Variants in RIN3 observed in about 807,000 individuals in gnomAD.
RIN3 encodes the protein Ras and Rab interactor 3.
Under a neutral mutation model 76.3 loss-of-function variants are expected in RIN3, and 54 were observed. That is an observed-to-expected ratio of 0.71 (90% confidence interval 0.57 to 0.89). The LOEUF (loss-of-function observed/expected upper bound fraction) is 0.89. RIN3 is among the 40% of genes least tolerant of loss of function. RIN3 has a pLI of 0.00. For synonymous variants in RIN3, 576 were observed against 564.0 expected (o/e 1.02, Z -0.30); for missense variants, 1,256 against 1,322.1 (o/e 0.95, Z 0.78).
Position 92,526,708 on chromosome 14 carries a change from G to A in RIN3, c.44+12732G>A, listed in dbSNP as rs138678112. Reference sequence around the variant, plus strand: ...GCAGAGGTTGCAGTGAGCCAAGATCGTGCCACTGCACTCCAGGCTGGTGAC... The same window carrying A: ...GCAGAGGTTGCAGTGAGCCAAGATCATGCCACTGCACTCCAGGCTGGTGAC... On this transcript the variant is annotated intron_variant, in intron 1 of 9. Transcript: ENST00000216487. Among the ~76,000 whole-genome samples, 246 of 152,132 alleles carry A rather than the reference G, an allele frequency of 1.6e-3. 2 individuals carry two copies. Among genetic ancestry groups the A allele is most frequent in the African/African-American group, 5.5e-3 (230 of 41,508 alleles).
At chr14:92,519,654 C>T (rs1284291792) in intron 1 of RIN3, among the ~76,000 whole-genome samples, 1 of 152,344 alleles carries the variant, frequency 6.6e-6, no homozygotes, top group Non-Finnish European at 1.5e-5. Context: ...GGATGGCGCT[C>T]TCTGCCAGGC....
At chr14:92,661,760 A>ACACACACACACACACACACACACAC (rs1419895576) in intron 7 of RIN3, among the ~76,000 whole-genome samples, 11 of 128,032 alleles carry the variant, frequency 8.6e-5, no homozygotes, top group African/African-American at 2.8e-4. Context: ...CACACACACA[A>ACACACACACACACACACACACACAC]AAAATAGAAT....
intron 4 of RIN3, among the ~76,000 whole-genome samples, chr14:92,622,602 C>T (rs186787911): frequency 2.0e-4 from 31 of 152,300 alleles, no homozygotes; most frequent in Non-Finnish European, 3.2e-4. Context: ...TTATCCCTAA[C>T]GCAGACCCTG....
intron 1 of RIN3, among the ~76,000 whole-genome samples, chr14:92,543,654 C>A (rs1250410684): frequency 1.6e-5 from 2 of 128,906 alleles, no homozygotes; most frequent in African/African-American, 5.9e-5. Flanking sequence ...TAAATCTTGG[C>A]TCACTGCAAC....
chr14:92,567,648 A>G (rs924643618), intron 2 of RIN3, among the ~76,000 whole-genome samples: 28 of 145,260 alleles, frequency 1.9e-4, no homozygotes, highest in African/African-American at 6.7e-4. Context: ...TTTTTGGTCA[A>G]TGCCAGTGCC....
chr14:92,569,907 G>A (rs1196797066), intron 2 of RIN3, among the ~76,000 whole-genome samples: 2 of 152,206 alleles, frequency 1.3e-5, no homozygotes, highest in African/African-American at 4.8e-5. Context: ...CCTTACTATA[G>A]GCAAGGGTCT....
At chr14:92,674,726 T>C (rs1019395118) in intron 7 of RIN3, among the ~76,000 whole-genome samples, 2 of 151,668 alleles carry the variant, frequency 1.3e-5, no homozygotes, top group Non-Finnish European at 2.9e-5. Flanking sequence ...CCATCTCTAC[T>C]AAAAATACAA....
chr14:92,536,291 G>T (rs891490700), intron 1 of RIN3, among the ~76,000 whole-genome samples: 1 of 152,134 alleles, frequency 6.6e-6, no homozygotes, highest in African/African-American at 2.4e-5. Flanking sequence ...GTGTAGAATT[G>T]ATAGCTTGAC....
intron 1 of RIN3, among the ~76,000 whole-genome samples, chr14:92,520,338 G>A (rs1896563964): frequency 6.6e-6 from 1 of 152,170 alleles, no homozygotes. Context: ...ACACAGGCCT[G>A]GAGCCATGGG....
At chr14:92,538,701 A>C (rs1190238752) in intron 1 of RIN3, among the ~76,000 whole-genome samples, 1 of 152,138 alleles carries the variant, frequency 6.6e-6, no homozygotes, top group Non-Finnish European at 1.5e-5. Flanking sequence ...CTCTAAATAC[A>C]CCTGCACACA....
Position 92,684,987 on chromosome 14 carries a change from G to T in RIN3, c.2468G>T (p.Gly823Val). The change falls in exon 9 of 10, where the codon GGT (glycine) becomes GTT (valine). Residue 823 changes from glycine (G) to valine (V), a missense_variant and splice_region_variant. This residue lies in a region of RIN3 where 428 missense variants were observed against 521.2 expected (regional missense o/e 0.82). Transcript: ENST00000216487. ...LMDPALQLGE[G>V]SYYLTTTYGA... ...AGATTCCACACCCTTGTCCACGCAG[G>T]TTCCTACTATCTGACCACCACCTAC... is the stretch of plus-strand genomic sequence containing the variant. 6.2e-7 allele frequency: 1 copy of T among 1,611,594 alleles called. No homozygotes were observed.
chr14:92,652,088 C>T lies in RIN3; in HGVS notation c.1039C>T (p.Pro347Ser). The T allele has an allele frequency of 6.2e-7, 1 of 1,605,374 alleles. No homozygotes were observed. ...PMMTCERLPC[P>S]TAGLGPLREE... ...GATGACCTGCGAGAGACTCCCATGC[C>T]CCACTGCAGGCCTGGGCCCCCTCAG... Residue 347 changes from proline to serine, a missense_variant, in exon 6 of 10, where the codon CCC becomes TCC. Coordinates refer to ENST00000216487, the MANE Select transcript of RIN3 (RefSeq NM_024832.5). The surrounding 1 kb of genome is among the most constrained non-coding windows in gnomAD (Gnocchi z 6.4).
intron 1 of RIN3, among the ~76,000 whole-genome samples, chr14:92,553,077 C>T (rs1276451471): frequency 6.6e-6 from 1 of 151,278 alleles, no homozygotes; most frequent in Non-Finnish European, 1.5e-5. Flanking sequence ...ACACCTAGGG[C>T]CACCCAGCAA....
intron 7 of RIN3, among the ~76,000 whole-genome samples, chr14:92,668,961 C>T (rs946710479): frequency 9.2e-5 from 14 of 152,200 alleles, no homozygotes; most frequent in African/African-American, 3.4e-4. Context: ...CAAATAAATT[C>T]ATTCATTCAA....
At chr14:92,557,291 C>CCCT (rs1420677338) in intron 2 of RIN3, among the ~76,000 whole-genome samples, 1 of 152,230 alleles carries the variant, frequency 6.6e-6, no homozygotes, top group East Asian at 1.9e-4. Context: ...GCATTGAGTG[C>CCCT]CCTCCCCCAG....
intron 3 of RIN3, among the ~76,000 whole-genome samples, chr14:92,602,180 C>T (rs1031855622): frequency 2.0e-5 from 3 of 152,188 alleles, no homozygotes; most frequent in Non-Finnish European, 4.4e-5. Context: ...CGTCCAGGGC[C>T]AGAGCTGGGC....
At chr14:92,561,431 T>G (rs145532483) in intron 2 of RIN3, among the ~76,000 whole-genome samples, 1 of 152,072 alleles carries the variant, frequency 6.6e-6, no homozygotes, top group Non-Finnish European at 1.5e-5. Flanking sequence ...ATTTGTTCAT[T>G]TGTGTGTATC....
In RIN3 at chr14:92,641,271, G is replaced by A. The variant is rs1416862674; in HGVS notation, c.474G>A (p.Gln158=). 2 of 1,614,136 alleles carry A rather than the reference G, an allele frequency of 1.2e-6. No individual in the cohort carries two copies. Among genetic ancestry groups the A allele is most frequent in the Admixed American group, 1.7e-5 (1 of 60,010 alleles). The stretch of plus-strand genomic sequence containing the variant: ...TGCCCTTCACACTGCGGCTACCCCA[G>A]GCCATCCTTGAGGCCAGCAGCTTCA... ...DLLPFTLRLP[Q]AILEASSFTD... is the part of the protein sequence containing the mutation. The change falls in exon 5 of 10, where the codon CAG becomes CAA. Residue 158 remains glutamine (Q), a synonymous_variant. Transcript: ENST00000216487.
chr14:92,653,898 G>T (rs1360052059), intron 6 of RIN3, among the ~76,000 whole-genome samples: 1 of 151,850 alleles, frequency 6.6e-6, no homozygotes, highest in Non-Finnish European at 1.5e-5. Flanking sequence ...CGCACCTGTA[G>T]TCTCATCTAT....
Sources: allele counts gnomAD v4.1 joint callset (sites outside exome capture counted in the v4.1 genomes callset), GRCh38; gene constraint gnomAD v4.1.1; regional missense constraint gnomAD v4.1.1; non-coding constraint Gnocchi (gnomAD v3.1); transcripts MANE v1.5; gene names NCBI Gene and HGNC (gene_info 2026-07-23, HGNC 2026-07-21).